The following PLXNA4 variants were observed in gnomAD, a reference collection of about 807,000 sequenced individuals.
The protein encoded by PLXNA4 is plexin-A4.
PLXNA4 carries 44 observed loss-of-function variants against 191.8 expected under a neutral mutation model. The ratio of observed to expected loss-of-function variants is 0.23; its 90% CI spans 0.18 to 0.29. PLXNA4 has a LOEUF of 0.29. Among genes scored for constraint, PLXNA4 ranks in the 10% least tolerant of loss-of-function variants. PLXNA4 has a pLI of 1.00. For missense variants in PLXNA4, 1,800 were observed against 2,488.8 expected, an observed-to-expected ratio of 0.72 and a Z score of 5.89; for synonymous variants, 1,082 against 1,009.5, an observed-to-expected ratio of 1.07 and a Z score of -1.36.
intron 3 of PLXNA4, among the ~76,000 whole-genome samples, chr7:132,452,462 C>T (rs1486267486): frequency 1.3e-5 from 2 of 152,196 alleles, no homozygotes; most frequent in Non-Finnish European, 2.9e-5. Context: ...ACAAGGAAAG[C>T]GATGGTGGCC....
chr7:132,222,590 A>T (rs1008073639), intron 9 of PLXNA4, among the ~76,000 whole-genome samples: 1 of 152,108 alleles, frequency 6.6e-6, no homozygotes, highest in East Asian at 1.9e-4. Flanking sequence ...GGTCTGAAAG[A>T]TACACGCAAG....
chr7:132,292,969 G>A, intron 4 of PLXNA4, among the ~76,000 whole-genome samples: 1 of 152,184 alleles, frequency 6.6e-6, no homozygotes, highest in East Asian at 1.9e-4. Context: ...TGCAAGTTCT[G>A]CAGCAGGAAG....
rs1802573585 is a variant in PLXNA4, at chr7:132,589,861, T to C, written c.-87+56067A>G. ...TTCCTTGAGGTGGTGACATCTGGAC[T>C]GGGACTGGAAGGAAAAGAAGGAGCC... On this transcript the variant is annotated intron_variant, in intron 2 of 4. Coordinates refer to the PLXNA4 transcript ENST00000378539. Among the ~76,000 whole-genome samples the C allele has an allele frequency of 3.3e-5, 5 of 152,092 alleles. No homozygotes were observed. In the South Asian group the frequency reaches 1.0e-3, roughly 32 times the overall value.
chr7:132,615,890 C>A (rs1803144114), intron 2 of PLXNA4, among the ~76,000 whole-genome samples: 1 of 145,088 alleles, frequency 6.9e-6, no homozygotes, highest in Non-Finnish European at 1.5e-5. Flanking sequence ...TCCCTTCTCC[C>A]CTCTGGAGAC....
Position 132,174,841 on chromosome 7 carries a change from T to G in PLXNA4, c.3954A>C (p.Arg1318Ser), listed in dbSNP as rs2116697729. The G allele has an allele frequency of 6.2e-7, 1 of 1,614,136 alleles. No homozygotes were observed. The highest frequency in any genetic ancestry group is 1.7e-5 in the Admixed American group (1 of 60,022). Residue 1318 changes from arginine to serine, a missense_variant, in exon 21 of 32, where the codon AGA becomes AGC. Physicochemically the swap from Arg to Ser is moderately radical, Grantham distance 110. Coordinates refer to ENST00000321063, the MANE Select transcript of PLXNA4 (RefSeq NM_020911.2). ...GGAACAGCACCCGCATGGTGTAAGT[T>G]CTATAGTCCAGGAACGGAATCCCGG... ...DGAGIPFLDY[R>S]TYTMRVLFPG...
chr7:132,235,844 G>T (rs1798681778), intron 5 of PLXNA4, among the ~76,000 whole-genome samples: 1 of 152,208 alleles, frequency 6.6e-6, no homozygotes, highest in African/African-American at 2.4e-5. Flanking sequence ...ACAGGAGATA[G>T]CTGTGATAGG....
chr7:132,558,722 G>A (rs1380429514), intron 1 of PLXNA4, among the ~76,000 whole-genome samples: 2 of 152,220 alleles, frequency 1.3e-5, no homozygotes, highest in African/African-American at 4.8e-5. Context: ...TTGACATCAT[G>A]CACATGGCCA....
intron 3 of PLXNA4, among the ~76,000 whole-genome samples, chr7:132,330,532 G>A (rs544948931): frequency 5.6e-4 from 86 of 152,286 alleles, no homozygotes; most frequent in Non-Finnish European, 1.1e-3. Context: ...CTTCTTTACC[G>A]CACACTTTAA....
Position 132,201,929 on chromosome 7 carries a change from C to T in PLXNA4, c.2586+717G>A, listed in dbSNP as rs144885167. ...GAGCAAGGTACCTTGCCTGTAGGTG[C>T]GTGTGAAATCCTTCCAGCTCCCATG... On this transcript the variant is annotated intron_variant, in intron 12 of 31. Transcript: ENST00000321063. Among the ~76,000 whole-genome samples the T allele has an allele frequency of 7.9e-5, 12 of 152,232 alleles. No homozygotes were observed. The East Asian group carries it at 2.1e-3, about 27-fold the overall frequency.
At chr7:132,280,591 A>G (rs1447812841) in intron 4 of PLXNA4, among the ~76,000 whole-genome samples, 2 of 152,172 alleles carry the variant, frequency 1.3e-5, no homozygotes, top group Non-Finnish European at 2.9e-5. Flanking sequence ...TCTCAGAGAG[A>G]ATCTTCCATC....
At chr7:132,488,373 G>A (rs375884378) in intron 3 of PLXNA4, among the ~76,000 whole-genome samples, 1 of 152,166 alleles carries the variant, frequency 6.6e-6, no homozygotes, top group Non-Finnish European at 1.5e-5. Context: ...GGAAATGGAG[G>A]GATTAAGGCT....
chr7:132,640,793 G>A (rs1803728107), intron 2 of PLXNA4, among the ~76,000 whole-genome samples: 1 of 151,740 alleles, frequency 6.6e-6, no homozygotes, highest in African/African-American at 2.4e-5. Context: ...AAAAAGGGGG[G>A]GGCCCTGCCA....
At chr7:132,635,826 A>T (rs1056102975) in intron 2 of PLXNA4, among the ~76,000 whole-genome samples, 1 of 152,216 alleles carries the variant, frequency 6.6e-6, no homozygotes, top group Non-Finnish European at 1.5e-5. Flanking sequence ...CAACAGCATC[A>T]GGAAGTTCCA....
At chr7:132,529,856 C>T (rs979702511) in intron 1 of PLXNA4, among the ~76,000 whole-genome samples, 1 of 152,162 alleles carries the variant, frequency 6.6e-6, no homozygotes, top group East Asian at 1.9e-4. Flanking sequence ...CCGCCTGCCT[C>T]GGCCTCCCAA....
chr7:132,280,405 A>G (rs1290824363), intron 4 of PLXNA4, among the ~76,000 whole-genome samples: 1 of 152,196 alleles, frequency 6.6e-6, no homozygotes, highest in Non-Finnish European at 1.5e-5. Flanking sequence ...AGAAAAGGCA[A>G]ACCCTACACT....
At chr7:132,490,951 TCTGGGGTG>T (rs1292759196) in intron 2 of PLXNA4, among the ~76,000 whole-genome samples, 1 of 152,042 alleles carries the variant, frequency 6.6e-6, no homozygotes, top group East Asian at 1.9e-4. Context: ...TCAGCTGGGC[TCTGGGGTG>T]CTGGGGAGTG....
At chr7:132,344,256 G>C (rs1803152038) in intron 3 of PLXNA4, among the ~76,000 whole-genome samples, 1 of 152,012 alleles carries the variant, frequency 6.6e-6, no homozygotes, top group Admixed American at 6.5e-5. Flanking sequence ...CTTAGCCCTT[G>C]GGGTGGCAGT....
chr7:132,276,372 A>G (rs1023484868), intron 4 of PLXNA4, among the ~76,000 whole-genome samples: 1 of 152,112 alleles, frequency 6.6e-6, no homozygotes, highest in African/African-American at 2.4e-5. Context: ...AATAAAGTAT[A>G]GCATATCATT....
chr7:132,373,933 G>A (rs1050130725), intron 3 of PLXNA4, among the ~76,000 whole-genome samples: 4 of 152,160 alleles, frequency 2.6e-5, no homozygotes, highest in Admixed American at 2.6e-4. Flanking sequence ...TATTTAATAG[G>A]GATATATAAG....
Sources: allele counts gnomAD v4.1 joint callset (sites outside exome capture counted in the v4.1 genomes callset), GRCh38; gene constraint gnomAD v4.1.1; transcripts MANE v1.5; gene names NCBI Gene and HGNC (gene_info 2026-07-23, HGNC 2026-07-21).